Variants in FOCAD observed in about 807,000 individuals in gnomAD.
FOCAD encodes KIAA1797.
Under a neutral mutation model 225.6 loss-of-function variants are expected in FOCAD, and 198 were observed. The ratio of observed to expected loss-of-function variants is 0.88; its 90% CI spans 0.78 to 0.99. The LOEUF (loss-of-function observed/expected upper bound fraction) is 0.99, where lower values mean the gene tolerates loss of function less well. Among genes scored for constraint, FOCAD ranks in the 50% least tolerant of loss-of-function variants. The probability of loss-of-function intolerance (pLI) is 0.00; values close to 1 mark genes in which losing one functional copy is unlikely to be tolerated. For synonymous variants in FOCAD, 897 were observed against 755.0 expected, an observed-to-expected ratio of 1.19 and a Z score of -3.08; for missense variants, 2,713 against 2,123.6, an observed-to-expected ratio of 1.28 and a Z score of -5.46.
intron 5 of FOCAD, among the ~76,000 whole-genome samples, chr9:20,752,020 G>A (rs1828600204): frequency 7.0e-6 from 1 of 143,640 alleles, no homozygotes; most frequent in Non-Finnish European, 1.5e-5. Context: ...TTTTTTTCTT[G>A]TAAATTTGTT....
intron 30 of FOCAD, among the ~76,000 whole-genome samples, chr9:20,947,764 G>A (rs189310546): frequency 3.4e-3 from 522 of 152,222 alleles, no homozygotes; most frequent in African/African-American, 0.012. Flanking sequence ...TAATATTGAT[G>A]ATAATGGGTT....
intron 20 of FOCAD, among the ~76,000 whole-genome samples, chr9:20,883,111 G>T (rs1162516765): frequency 6.6e-6 from 1 of 152,150 alleles, no homozygotes; most frequent in African/African-American, 2.4e-5. Context: ...TAGTACTTCT[G>T]TGGTTCTTTC....
chr9:20,788,047 G>T (rs149056347), intron 10 of FOCAD, among the ~76,000 whole-genome samples: 1 of 152,042 alleles, frequency 6.6e-6, no homozygotes, highest in Non-Finnish European at 1.5e-5. Context: ...ATTCATTATC[G>T]CCAAAATGTG....
Position 20,916,955 on chromosome 9 carries a change from T to A in FOCAD, c.2852+18T>A. The A allele has an allele frequency of 1.9e-6, 3 of 1,588,908 alleles. No individual in the cohort carries two copies. Among genetic ancestry groups the A allele is most frequent in the South Asian group, 1.2e-5 (1 of 85,348 alleles). On this transcript the variant is annotated intron_variant, in intron 24 of 43. Coordinates refer to ENST00000338382, the MANE Select transcript of FOCAD (RefSeq NM_001375567.1). The stretch of plus-strand genomic sequence containing the variant: ...GCTGCAAAGTAAGATCCATTTAGTC[T>A]TTTATCAAACATTTTTTATAAATAC...
chr9:20,664,035 C>T (rs1038138635), intron 2 of FOCAD, among the ~76,000 whole-genome samples: 1 of 151,990 alleles, frequency 6.6e-6, no homozygotes, highest in Non-Finnish European at 1.5e-5. Context: ...TTTCAAAGCA[C>T]TTTTCCAACA....
In FOCAD at chr9:20,815,872, AAAT is replaced by A. The variant is rs559432903; in HGVS notation, c.1456-3912_1456-3910del. ...CTCAAGTAAATACATATTCACAAGG[AAAT>A]AATAATAATAAAAAATTAGTCCATC... On this transcript the variant is annotated intron_variant, in intron 11 of 43. Transcript: ENST00000338382. 7.2e-5 allele frequency among the ~76,000 whole-genome samples: 11 copies of A among 152,144 alleles called. No homozygotes were observed. The South Asian group carries it at 8.3e-4, about 11-fold the overall frequency.
rs1351372525 is a variant in FOCAD, at chr9:20,770,016, T to A, written c.700-16T>A. ...TTGTGTATTTTTTAATATCATATAA[T>A]GACTTTTTTAAACAGGTAAAAGATT... On this transcript the variant is annotated splice_polypyrimidine_tract_variant and intron_variant, in intron 7 of 43. Coordinates refer to ENST00000338382, the MANE Select transcript of FOCAD (RefSeq NM_001375567.1). 1 of 1,604,516 alleles carries A rather than the reference T, an allele frequency of 6.2e-7. No individual in the cohort carries two copies. The highest frequency in any genetic ancestry group is 1.1e-5 in the South Asian group (1 of 90,514).
intron 15 of FOCAD, among the ~76,000 whole-genome samples, chr9:20,854,746 A>C (rs147487660): frequency 5.3e-4 from 80 of 151,890 alleles, no homozygotes; most frequent in African/African-American, 1.7e-3. Flanking sequence ...GACTAAGCAG[A>C]ACATTCTGAG....
chr9:20,815,138 T>TTTTTTG (rs1823574627), intron 11 of FOCAD, among the ~76,000 whole-genome samples: 2 of 31,262 alleles, frequency 6.4e-5, no homozygotes, highest in African/African-American at 2.7e-4. Context: ...TTTTTTTTTG[T>TTTTTTG]TTTTTTTTTT....
intron 2 of FOCAD, among the ~76,000 whole-genome samples, chr9:20,716,718 CG>C (rs1008418759): frequency 1.8e-4 from 28 of 152,186 alleles, no homozygotes; most frequent in Middle Eastern, 3.4e-3. Context: ...GATTCACACA[CG>C]TTTTTTTTCA....
At chr9:20,799,522 T>C (rs1044325192) in intron 11 of FOCAD, among the ~76,000 whole-genome samples, 3 of 152,202 alleles carry the variant, frequency 2.0e-5, no homozygotes, top group African/African-American at 7.2e-5. Context: ...TTTATGAATC[T>C]GGGCGCTCCT....
At chr9:20,782,387 T>C (rs1364553671) in intron 10 of FOCAD, among the ~76,000 whole-genome samples, 1 of 152,214 alleles carries the variant, frequency 6.6e-6, no homozygotes, top group Non-Finnish European at 1.5e-5. Context: ...CCTCTTGCCG[T>C]GTTCCCTGGC....
At chr9:20,973,199 C>G (rs950017512) in intron 35 of FOCAD, among the ~76,000 whole-genome samples, 1 of 148,550 alleles carries the variant, frequency 6.7e-6, no homozygotes, top group Non-Finnish European at 1.5e-5. Flanking sequence ...CTGACTTTGC[C>G]TTATTCTGGT....
chr9:20,845,442 G>GAGATATATATAT (rs368497237), intron 15 of FOCAD, among the ~76,000 whole-genome samples: 81 of 121,264 alleles, frequency 6.7e-4, no homozygotes, highest in Admixed American at 1.3e-3. Context: ...TCTTTTCCTC[G>GAGATATATATAT]ATATATATAT....
chr9:20,774,600 A>C (rs1038980180), intron 8 of FOCAD, among the ~76,000 whole-genome samples: 2 of 152,216 alleles, frequency 1.3e-5, no homozygotes, highest in African/African-American at 4.8e-5. Flanking sequence ...TGAATTCATG[A>C]ATTTAAACAT....
In FOCAD at chr9:20,664,822, C is replaced by T. The variant is rs1217513980; in HGVS notation, c.-78+5996C>T. Among the ~76,000 whole-genome samples the T allele has an allele frequency of 2.6e-5, 4 of 151,998 alleles. No homozygotes were observed. In the South Asian group the frequency reaches 8.3e-4, roughly 32 times the overall value. ...ATGGTGATGGTTTCAAGAGTTTATA[C>T]ATGTGTCAAAGCTTATTAAATTGTA... On this transcript the variant is annotated intron_variant, in intron 2 of 45. Transcript: ENST00000380249.
chr9:20,737,680 C>T (rs563611331), intron 4 of FOCAD, among the ~76,000 whole-genome samples: 5 of 152,336 alleles, frequency 3.3e-5, no homozygotes, highest in Admixed American at 2.0e-4. Context: ...TAGTCAGATA[C>T]TGGATTCTCA....
At chr9:20,659,164 G>A (rs1156242846) in intron 2 of FOCAD, among the ~76,000 whole-genome samples, 1 of 152,126 alleles carries the variant, frequency 6.6e-6, no homozygotes, top group Admixed American at 6.5e-5. Context: ...AGGTTTCAGT[G>A]AGCCAAGATG....
At chr9:20,816,674 A>G (rs911734611) in intron 11 of FOCAD, among the ~76,000 whole-genome samples, 2 of 152,148 alleles carry the variant, frequency 1.3e-5, no homozygotes, top group Admixed American at 6.6e-5. Context: ...GGTTAGAAGG[A>G]ACAGGCTTTC....
Sources: allele counts gnomAD v4.1 joint callset (sites outside exome capture counted in the v4.1 genomes callset), GRCh38; gene constraint gnomAD v4.1.1; transcripts MANE v1.5; gene names NCBI Gene and HGNC (gene_info 2026-07-23, HGNC 2026-07-21).